Variants in GRK5 observed in about 807,000 individuals in gnomAD.
GRK5 encodes the protein G protein-coupled receptor kinase 5.
A neutral mutation model predicts 78.4 loss-of-function variants in GRK5; 40 were observed. That is an observed-to-expected ratio of 0.51 (90% confidence interval 0.40 to 0.66). The LOEUF (loss-of-function observed/expected upper bound fraction) is 0.66, where lower values mean the gene tolerates loss of function less well. Ranked by LOEUF, GRK5 falls within the 30% of genes least tolerant of loss-of-function variation. The pLI is 0.00. For missense variants in GRK5, 598 were observed against 759.9 expected (o/e 0.79, Z 2.50); for synonymous variants, 289 against 296.8 (o/e 0.97, Z 0.27).
intron 6 of GRK5, among the ~76,000 whole-genome samples, chr10:119,429,817 C>G (rs528480929): frequency 6.6e-6 from 1 of 152,132 alleles, no homozygotes; most frequent in Non-Finnish European, 1.5e-5. Context: ...CCTCTGCCCC[C>G]TCCTGAGGCC....
At chr10:119,454,514 G>C (rs1328584602) in intron 15 of GRK5, among the ~76,000 whole-genome samples, 2 of 152,170 alleles carry the variant, frequency 1.3e-5, no homozygotes, top group East Asian at 1.9e-4. Context: ...CAATGGGAAC[G>C]ACCGCCCATC....
chr10:119,424,572 CT>C (rs1852633573), intron 5 of GRK5, among the ~76,000 whole-genome samples: 2 of 152,042 alleles, frequency 1.3e-5, no homozygotes, highest in Admixed American at 6.5e-5. Context: ...CCCACCACCC[CT>C]GATTCCCAGC....
At chr10:119,370,742 G>A (rs938755602) in intron 2 of GRK5, among the ~76,000 whole-genome samples, 1 of 152,052 alleles carries the variant, frequency 6.6e-6, no homozygotes, top group Non-Finnish European at 1.5e-5. Flanking sequence ...TCTGTTTATT[G>A]TTTCAAACCT....
rs560583167 is a variant in GRK5, at chr10:119,329,214, A to G, written c.148+2603A>G. Among the ~76,000 whole-genome samples the G allele has an allele frequency of 1.1e-3, 171 of 152,360 alleles. 2 individuals are homozygous for G. The South Asian group carries it at 0.014, about 13-fold the overall frequency. ...AAATCTTAACATTTTGCTATATTTTATTCATGTGTTTCTCAAAAATATAAA... is the reference window on the plus strand; with the variant it reads ...AAATCTTAACATTTTGCTATATTTTGTTCATGTGTTTCTCAAAAATATAAA... On this transcript the variant is annotated intron_variant, in intron 2 of 15. Coordinates refer to ENST00000392870, the MANE Select transcript of GRK5 (RefSeq NM_005308.3).
At chr10:119,335,176 C>CTCTCTCTCTCTCTCTCT (rs1850858276) in intron 2 of GRK5, among the ~76,000 whole-genome samples, 1 of 121,462 alleles carries the variant, frequency 8.2e-6, no homozygotes, top group Non-Finnish European at 1.7e-5. Flanking sequence ...CTCTCTCTCT[C>CTCTCTCTCTCTCTCTCT]CCCCTCTCCC....
chr10:119,436,110 C>G (rs1429288286), intron 8 of GRK5, among the ~76,000 whole-genome samples: 1 of 152,208 alleles, frequency 6.6e-6, no homozygotes, highest in Non-Finnish European at 1.5e-5. Context: ...TATGGGAGTA[C>G]AATTCAAGAT....
chr10:119,224,567 G>T (rs1036080648), intron 1 of GRK5, among the ~76,000 whole-genome samples: 4 of 151,920 alleles, frequency 2.6e-5, no homozygotes, highest in Non-Finnish European at 4.4e-5. Flanking sequence ...CCGCCACCAT[G>T]CCCGGCTAAC....
At chr10:119,299,965 C>T (rs1372222488) in intron 1 of GRK5, among the ~76,000 whole-genome samples, 1 of 152,140 alleles carries the variant, frequency 6.6e-6, no homozygotes, top group African/African-American at 2.4e-5. Flanking sequence ...CTCCCCCTTC[C>T]CCACCCCACG....
chr10:119,246,676 C>G (rs1849119064), intron 1 of GRK5, among the ~76,000 whole-genome samples: 1 of 152,214 alleles, frequency 6.6e-6, no homozygotes, highest in Admixed American at 6.5e-5. Context: ...TGGCCCAGTT[C>G]AGACATCGGC....
chr10:119,343,686 G>T (rs1851022126), intron 2 of GRK5, among the ~76,000 whole-genome samples: 1 of 152,226 alleles, frequency 6.6e-6, no homozygotes, highest in African/African-American at 2.4e-5. Flanking sequence ...GTCAGGGGAG[G>T]CTGGGTTGGG....
At chr10:119,377,710 G>GA (rs1297812248) in intron 2 of GRK5, among the ~76,000 whole-genome samples, 3 of 151,114 alleles carry the variant, frequency 2.0e-5, no homozygotes, top group African/African-American at 2.4e-5. Context: ...CATATGGAGA[G>GA]AAAAAAAAAT....
At chr10:119,246,488 A>AT (rs1849116014) in intron 1 of GRK5, among the ~76,000 whole-genome samples, 2 of 152,038 alleles carry the variant, frequency 1.3e-5, no homozygotes, top group Admixed American at 1.3e-4. Context: ...ATAATAGTTT[A>AT]TTTTTTGTTC....
chr10:119,292,935 GTTGACTTTATGTT>G (rs1289615999), intron 1 of GRK5, among the ~76,000 whole-genome samples: 1 of 151,926 alleles, frequency 6.6e-6, no homozygotes, highest in Non-Finnish European at 1.5e-5. Context: ...CCAACTGCGT[GTTGACTTTATGTT>G]TTACAAAGCA....
chr10:119,295,944 T>A (rs1850072791), intron 1 of GRK5, among the ~76,000 whole-genome samples: 1 of 152,064 alleles, frequency 6.6e-6, no homozygotes, highest in African/African-American at 2.4e-5. Flanking sequence ...GGGAAAAATA[T>A]TTTAAAAATA....
At chr10:119,305,522 G>A (rs1850260010) in intron 1 of GRK5, among the ~76,000 whole-genome samples, 1 of 152,212 alleles carries the variant, frequency 6.6e-6, no homozygotes, top group African/African-American at 2.4e-5. Context: ...TTTGATAGCT[G>A]CTTTTTCAAA....
At chr10:119,350,306 T>C (rs760457123) in intron 2 of GRK5, among the ~76,000 whole-genome samples, 1 of 152,224 alleles carries the variant, frequency 6.6e-6, no homozygotes, top group Non-Finnish European at 1.5e-5. Flanking sequence ...GGAGAGGTGG[T>C]GGGAGAAGTA....
chr10:119,350,962 G>A (rs1851177629), intron 2 of GRK5, among the ~76,000 whole-genome samples: 1 of 152,156 alleles, frequency 6.6e-6, no homozygotes, highest in African/African-American at 2.4e-5. Context: ...ATATTCAATG[G>A]GCTCCGTCTG....
At chr10:119,218,347 C>T (rs1306003128) in intron 1 of GRK5, among the ~76,000 whole-genome samples, 1 of 152,090 alleles carries the variant, frequency 6.6e-6, no homozygotes, top group African/African-American at 2.4e-5. Flanking sequence ...ATAGAATTAC[C>T]CAACTGCTGG....
rs1049011266 is a variant in GRK5, at chr10:119,441,449, G to T, written c.968-550G>T. On this transcript the variant is annotated intron_variant, in intron 10 of 15. Transcript: ENST00000392870. ...CTCAGCTCAGCGTCTCCCGCTCTGGGGGCTCAGTCCTGGGCTGTGAGCTGG... is the reference window on the plus strand; with the variant it reads ...CTCAGCTCAGCGTCTCCCGCTCTGGTGGCTCAGTCCTGGGCTGTGAGCTGG... Among the ~76,000 whole-genome samples, 5 of 152,338 alleles carry T rather than the reference G, an allele frequency of 3.3e-5. No individual in the cohort carries two copies. In the East Asian group the frequency reaches 9.6e-4, roughly 29 times the overall value.
Sources: allele counts gnomAD v4.1 joint callset (sites outside exome capture counted in the v4.1 genomes callset), GRCh38; gene constraint gnomAD v4.1.1; transcripts MANE v1.5; gene names NCBI Gene and HGNC (gene_info 2026-07-23, HGNC 2026-07-21).